Variants in WDR70 observed in about 807,000 individuals in gnomAD.
The protein encoded by WDR70 is WD repeat-containing protein 70.
Under a neutral mutation model 88.6 loss-of-function variants are expected in WDR70, and 53 were observed. That is an observed-to-expected ratio of 0.60 (90% CI 0.48 to 0.75). The LOEUF is 0.75. WDR70 is among the 30% of genes least tolerant of loss of function. The probability of loss-of-function intolerance (pLI) is 0.00; values close to 1 mark genes in which losing one functional copy is unlikely to be tolerated. For missense variants in WDR70, 610 were observed against 823.2 expected (o/e 0.74, Z 3.17); for synonymous variants, 280 against 270.0 (o/e 1.04, Z -0.36).
chr5:37,496,978 T>C (rs975820537), intron 8 of WDR70, among the ~76,000 whole-genome samples: 3 of 152,186 alleles, frequency 2.0e-5, no homozygotes, highest in Non-Finnish European at 4.4e-5. Context: ...TAGTTTAGGA[T>C]CTAAGTCCTC....
intron 10 of WDR70, among the ~76,000 whole-genome samples, chr5:37,678,936 T>C (rs1415051241): frequency 6.6e-6 from 1 of 152,234 alleles, no homozygotes; most frequent in Admixed American, 6.5e-5. Flanking sequence ...CGTTTCTTTT[T>C]ATTCTTTTTT....
chr5:37,476,301 CTT>C (rs1172226508), intron 7 of WDR70, among the ~76,000 whole-genome samples: 1 of 152,122 alleles, frequency 6.6e-6, no homozygotes, highest in Non-Finnish European at 1.5e-5. Flanking sequence ...AATACAAAGA[CTT>C]TGGATCATTA....
intron 9 of WDR70, among the ~76,000 whole-genome samples, chr5:37,586,598 C>G (rs1743371423): frequency 6.6e-6 from 1 of 151,518 alleles, no homozygotes; most frequent in East Asian, 2.0e-4. Context: ...GTGTGATGTT[C>G]CCCTCCCTGT....
chr5:37,722,685 A>T, intron 14 of WDR70, 170 bp from the exon 15 acceptor site: 1 of 614,398 alleles, frequency 1.6e-6, no homozygotes, highest in Non-Finnish European at 2.9e-6. Context: ...CCATAAGTTT[A>T]AGCTTTTATC....
chr5:37,489,754 G>A (rs1206087468), intron 8 of WDR70, among the ~76,000 whole-genome samples: 1 of 151,934 alleles, frequency 6.6e-6, no homozygotes, highest in Non-Finnish European at 1.5e-5. Flanking sequence ...CAGGTCTAGG[G>A]TGGTGTGGTA....
chr5:37,514,348 A>ATATATGTATGTATGTATGTATGTATG (rs1740817175), intron 8 of WDR70, among the ~76,000 whole-genome samples: 1 of 65,208 alleles, frequency 1.5e-5, no homozygotes, highest in Non-Finnish European at 4.2e-5. Flanking sequence ...ACATATATAT[A>ATATATGTATGTATGTATGTATGTATG]TATATATATA....
chr5:37,605,960 G>A (rs908965520), intron 10 of WDR70, among the ~76,000 whole-genome samples: 15 of 152,042 alleles, frequency 9.9e-5, no homozygotes, highest in Non-Finnish European at 1.9e-4. Flanking sequence ...AACACATTTT[G>A]GATATCCTTA....
At chr5:37,511,644 T>A (rs1295736084) in intron 8 of WDR70, among the ~76,000 whole-genome samples, 1 of 152,204 alleles carries the variant, frequency 6.6e-6, no homozygotes, top group Non-Finnish European at 1.5e-5. Flanking sequence ...AACTAACACA[T>A]ATATACATAT....
intron 3 of WDR70, among the ~76,000 whole-genome samples, chr5:37,390,583 G>T (rs1288767557): frequency 2.0e-5 from 3 of 151,670 alleles, no homozygotes; most frequent in African/African-American, 7.3e-5. Flanking sequence ...CTCGTGATCC[G>T]CCTGTCTCGG....
intron 10 of WDR70, among the ~76,000 whole-genome samples, chr5:37,654,210 T>C (rs1251960543): frequency 1.3e-5 from 2 of 152,220 alleles, no homozygotes; most frequent in Non-Finnish European, 2.9e-5. Context: ...CACCCAGTAG[T>C]CATTCAGGCA....
intron 9 of WDR70, among the ~76,000 whole-genome samples, chr5:37,554,678 GCACACA>G (rs3068425): frequency 2.0e-5 from 3 of 147,670 alleles, no homozygotes; most frequent in African/African-American, 7.5e-5. Context: ...GCACCTGCAC[GCACACA>G]CACACACACA....
intron 9 of WDR70, among the ~76,000 whole-genome samples, chr5:37,583,420 CAA>C (rs142442041): frequency 5.6e-4 from 33 of 59,240 alleles, no homozygotes; most frequent in Admixed American, 3.8e-3. Flanking sequence ...GACTCTGTCT[CAA>C]AAAAAAAAAA....
intron 3 of WDR70, among the ~76,000 whole-genome samples, chr5:37,389,420 AT>A (rs1462969116): frequency 6.9e-6 from 1 of 145,454 alleles, no homozygotes; most frequent in Non-Finnish European, 1.5e-5. Context: ...TTATTTATTT[AT>A]TTTTTTTGAG....
At chr5:37,747,570 AT>A (rs1453999886) in intron 17 of WDR70, among the ~76,000 whole-genome samples, 50 of 152,374 alleles carry the variant, frequency 3.3e-4, no homozygotes, top group African/African-American at 1.1e-3. Context: ...AGCTGAAAGC[AT>A]TCCCTTTGAA....
chr5:37,675,976 AT>A (rs1746192361), intron 10 of WDR70, among the ~76,000 whole-genome samples: 1 of 151,298 alleles, frequency 6.6e-6, no homozygotes, highest in South Asian at 2.1e-4. Flanking sequence ...ATTCCTAGGT[AT>A]TTTATTCTCT....
At chr5:37,752,084 G>A (rs1381998643) in intron 17 of WDR70, among the ~76,000 whole-genome samples, 3 of 152,166 alleles carry the variant, frequency 2.0e-5, no homozygotes. Flanking sequence ...AACCCAGAGA[G>A]CTTAATAAAT....
At chr5:37,480,290 G>T (rs891614781) in intron 8 of WDR70, among the ~76,000 whole-genome samples, 2 of 152,014 alleles carry the variant, frequency 1.3e-5, no homozygotes, top group Admixed American at 6.6e-5. Context: ...CTTCTTGCTG[G>T]CTCTCTGTCT....
intron 8 of WDR70, among the ~76,000 whole-genome samples, chr5:37,486,304 A>T (rs1034590289): frequency 6.6e-6 from 1 of 151,980 alleles, no homozygotes. Context: ...TTGTTATTGA[A>T]TGCCCAGTAT....
At chr5:37,519,874 C>A (rs1741032620) in intron 9 of WDR70, among the ~76,000 whole-genome samples, 1 of 152,178 alleles carries the variant, frequency 6.6e-6, no homozygotes, top group Non-Finnish European at 1.5e-5. Context: ...AATGGTTTTA[C>A]TAATTTACAT....
Sources: gnomAD v4.1 joint callset for allele counts (sites outside exome capture counted in the v4.1 genomes callset) on GRCh38, gnomAD v4.1.1 for gene constraint, MANE v1.5 for transcripts, NCBI Gene and HGNC (gene_info 2026-07-23, HGNC 2026-07-21) for gene names.